Variants in GNG4 observed in about 807,000 individuals in gnomAD.
The protein encoded by GNG4 is guanine nucleotide-binding protein G(I)/G(S)/G(O) subunit gamma-4.
A neutral mutation model predicts 5.8 loss-of-function variants in GNG4; 4 were observed. That is an observed-to-expected ratio of 0.69 (90% confidence interval 0.34 to 1.57). The LOEUF is 1.57. Among genes scored for constraint, GNG4 ranks in the 40% most tolerant of loss-of-function variants. GNG4 has a pLI of 0.06. For missense variants in GNG4, 96 were observed against 95.1 expected, an observed-to-expected ratio of 1.01 and a Z score of -0.04; for synonymous variants, 29 against 32.9, an observed-to-expected ratio of 0.88 and a Z score of 0.41.
intron 3 of GNG4, among the ~76,000 whole-genome samples, chr1:235,578,638 C>T (rs183924640): frequency 9.6e-4 from 146 of 152,212 alleles, no homozygotes; most frequent in Non-Finnish European, 1.5e-3. Context: ...ATGGGTAACC[C>T]TGAAGGATAT....
At chr1:235,632,059 A>T (rs891516068) in intron 1 of GNG4, among the ~76,000 whole-genome samples, 2 of 152,194 alleles carry the variant, frequency 1.3e-5, no homozygotes, top group African/African-American at 4.8e-5. Context: ...CCCGTCATGC[A>T]GGGCAAGGCT....
chr1:235,646,093 A>G (rs2102991920), intron 1 of GNG4, among the ~76,000 whole-genome samples: 1 of 152,300 alleles, frequency 6.6e-6, no homozygotes, highest in South Asian at 2.1e-4. Context: ...AGGGATACTT[A>G]GAGTGCTTCT....
intron 1 of GNG4, among the ~76,000 whole-genome samples, chr1:235,605,117 C>G (rs530326837): frequency 8.3e-4 from 126 of 151,824 alleles, no homozygotes; most frequent in Non-Finnish European, 1.3e-3. Flanking sequence ...ATCATTCATT[C>G]ATTCATTAAA....
At chr1:235,601,534 G>A (rs1688258508) in intron 1 of GNG4, among the ~76,000 whole-genome samples, 1 of 152,178 alleles carries the variant, frequency 6.6e-6, no homozygotes, top group Non-Finnish European at 1.5e-5. Flanking sequence ...AAAGAGCTCA[G>A]GTGCTGAGGG....
intron 1 of GNG4, among the ~76,000 whole-genome samples, chr1:235,599,709 G>A (rs1250576052): frequency 2.6e-5 from 4 of 152,188 alleles, no homozygotes; most frequent in Admixed American, 1.3e-4. Context: ...CTTATGCAGG[G>A]TCCAAGATGA....
intron 1 of GNG4, chr1:235,616,245 T>C (rs1047462665): frequency 2.0e-6 from 1 of 508,192 alleles, no homozygotes; most frequent in African/African-American, 1.9e-5. Flanking sequence ...ATTGCTGTGG[T>C]TGATATGTTC....
At chr1:235,643,200 G>A (rs1376674937) in intron 1 of GNG4, among the ~76,000 whole-genome samples, 1 of 152,156 alleles carries the variant, frequency 6.6e-6, no homozygotes, top group Non-Finnish European at 1.5e-5. Flanking sequence ...TTCACGGTCA[G>A]TCTCACCTTC....
At chr1:235,601,299 C>T (rs1394233514) in intron 1 of GNG4, among the ~76,000 whole-genome samples, 2 of 152,248 alleles carry the variant, frequency 1.3e-5, no homozygotes, top group Admixed American at 6.5e-5. Flanking sequence ...TAGTGGTGCT[C>T]GGCTTTGAGG....
chr1:235,569,819 G>A (rs1240955478), intron 3 of GNG4, among the ~76,000 whole-genome samples: 3 of 152,030 alleles, frequency 2.0e-5, no homozygotes, highest in Non-Finnish European at 4.4e-5. Context: ...GTCCGCCTCG[G>A]CCTCCCAAAG....
At chr1:235,594,760 T>C (rs888748094) in intron 2 of GNG4, among the ~76,000 whole-genome samples, 1 of 151,664 alleles carries the variant, frequency 6.6e-6, no homozygotes, top group African/African-American at 2.4e-5. Context: ...CGCCCGTGCC[T>C]CTCCCTCCAC....
intron 2 of GNG4, among the ~76,000 whole-genome samples, chr1:235,586,935 T>C (rs1687772403): frequency 6.6e-6 from 1 of 152,156 alleles, no homozygotes; most frequent in Non-Finnish European, 1.5e-5. Flanking sequence ...CCTTCAAATC[T>C]TGATCCTGCT....
rs542575958 is a variant in GNG4, at chr1:235,611,093, AAAAAT to A, written c.-122-15587_-122-15583del. ...GCAGAGCGAGACTTCATCTCAAAGA[AAAAAT>A]AAAAAATAAAAAGAAGCACTGCAAA... On this transcript the variant is annotated intron_variant, in intron 1 of 3. Transcript: ENST00000391854. 8.1e-4 allele frequency among the ~76,000 whole-genome samples: 124 copies of A among 152,324 alleles called. 1 individual carries two copies. The highest frequency in any genetic ancestry group is 2.9e-3 in the African/African-American group (119 of 41,574).
At chr1:235,594,684 GC>G (rs1172726909) in intron 2 of GNG4, among the ~76,000 whole-genome samples, 1 of 152,338 alleles carries the variant, frequency 6.6e-6, no homozygotes, top group East Asian at 1.9e-4. Context: ...CCAGTGCGGG[GC>G]CGCTAAACCC....
chr1:235,569,778 C>T (rs1330045692), intron 3 of GNG4, among the ~76,000 whole-genome samples: 1 of 152,114 alleles, frequency 6.6e-6, no homozygotes, highest in Admixed American at 6.5e-5. Context: ...ATTGGCCAGG[C>T]TGGTCTCGAA....
chr1:235,628,112 G>A (rs1291605260), intron 1 of GNG4, among the ~76,000 whole-genome samples: 1 of 152,134 alleles, frequency 6.6e-6, no homozygotes, highest in Non-Finnish European at 1.5e-5. Context: ...CCCGGGAGGT[G>A]GAGGTTGCAG....
rs1686751683 is a variant in GNG4 at position 235,551,574 on chromosome 1, A to C, written c.*535T>G. ...ACAACAACAACAAAAAAAAAACAAAAGAAAACCATTCCAATCCTGTGGGTT... is the reference window on the plus strand; with the variant it reads ...ACAACAACAACAAAAAAAAAACAAACGAAAACCATTCCAATCCTGTGGGTT... On this transcript the variant is annotated 3_prime_UTR_variant, in exon 4 of 4. Transcript: ENST00000391854. 6.6e-6 allele frequency: 1 copy of C among 152,608 alleles called. No homozygotes were observed. The highest frequency in any genetic ancestry group is 1.5e-5 in the Non-Finnish European group (1 of 68,446). The allele number at this position is 152,608 out of a possible 1,614,324, so 9.5% of individuals were successfully genotyped here. A position where few individuals can be genotyped will look rare whatever the true frequency, so the allele number is the denominator to read the frequency against.
chr1:235,595,466 AGTC>A lies in GNG4; in HGVS notation c.-80_-78del, dbSNP rs1445573488. The A allele has an allele frequency of 2.0e-5, 3 of 152,496 alleles. No homozygotes were observed. The highest frequency in any genetic ancestry group is 3.4e-3 in the Middle Eastern group (1 of 296). 9.4% of individuals were successfully genotyped at this position (152,496 alleles called of 1,614,324 possible). A position where few individuals can be genotyped will look rare whatever the true frequency, so the allele number is the denominator to read the frequency against. ...GAGGCTGGCGGTGGCAGCAGCTGTC[AGTC>A]GTCAGATGAGAGGTGAATTCAGAGC... is the stretch of plus-strand genomic sequence containing the variant. On this transcript the variant is annotated 5_prime_UTR_variant, in exon 2 of 4. Coordinates refer to ENST00000391854, the MANE Select transcript of GNG4 (RefSeq NM_001098722.2).
At chr1:235,626,090 CT>C (rs1400873703) in intron 1 of GNG4, among the ~76,000 whole-genome samples, 1 of 152,180 alleles carries the variant, frequency 6.6e-6, no homozygotes, top group African/African-American at 2.4e-5. Context: ...TCCTGGCCCG[CT>C]TTGTGTATTC....
At chr1:235,636,878 AT>A (rs1379889538) in intron 1 of GNG4, among the ~76,000 whole-genome samples, 3 of 151,976 alleles carry the variant, frequency 2.0e-5, no homozygotes, top group Non-Finnish European at 2.9e-5. Context: ...GGGCAAGAGG[AT>A]ACCCTAGGAA....
Sources: allele counts gnomAD v4.1 joint callset (sites outside exome capture counted in the v4.1 genomes callset), GRCh38; gene constraint gnomAD v4.1.1; transcripts MANE v1.5; gene names NCBI Gene and HGNC (gene_info 2026-07-23, HGNC 2026-07-21).